ATAD3C: variants seen among roughly 807,000 people sequenced by gnomAD.
ATAD3C encodes ATPase family AAA domain containing 3C, also known as ATPase family AAA domain-containing protein 3C.
Under a neutral mutation model 46.3 loss-of-function variants are expected in ATAD3C, and 38 were observed. The ratio of observed to expected loss-of-function variants is 0.82; its 90% CI spans 0.63 to 1.08. The LOEUF is 1.08. Ranked by LOEUF, ATAD3C falls within the 50% of genes least tolerant of loss-of-function variation. ATAD3C has a pLI of 0.00. For synonymous variants in ATAD3C, 220 were observed against 236.4 expected (o/e 0.93, Z 0.63); for missense variants, 563 against 572.7 (o/e 0.98, Z 0.17).
chr1:1,455,815 G>C lies in ATAD3C; in HGVS notation c.463G>C (p.Asp155His). 3.1e-6 allele frequency: 5 copies of C among 1,613,428 alleles called. No homozygotes were observed. Among genetic ancestry groups the C allele is most frequent in the Non-Finnish European group, 3.4e-6 (4 of 1,179,686 alleles). Reference protein sequence around the residue: ...LSPSLEARVRDIAIMTRNIKK... With the variant: ...LSPSLEARVRHIAIMTRNIKK... ...GCCCAGCCTGGAAGCACGGGTGCGC[G>C]ACATCGCCATAATGACAAGGAACAT... Residue 155 changes from aspartate to histidine, a missense_variant, in exon 6 of 12, where the codon GAC (aspartate) becomes CAC (histidine). Asp to His is a moderately conservative substitution (Grantham distance 81). Around this residue, in one of 3 missense-constraint regions of ATAD3C, gnomAD observed 263 missense variants for 243.1 expected, o/e 1.08. Coordinates refer to ENST00000378785, the MANE Select transcript of ATAD3C (RefSeq NM_001039211.3).
chr1:1,457,489 G>T (rs928157057), intron 8 of ATAD3C, among the ~76,000 whole-genome samples: 4 of 150,296 alleles, frequency 2.7e-5, no homozygotes, highest in Admixed American at 1.3e-4. Flanking sequence ...CCAGCTACTC[G>T]GGAGGCTGAG....
In ATAD3C at chr1:1,452,458, C is replaced by T. The variant is rs772657768; in HGVS notation, c.222+24C>T. 2.5e-6 allele frequency: 4 copies of T among 1,613,514 alleles called. 1 individual carries two copies. Among genetic ancestry groups the T allele is most frequent in the Non-Finnish European group, 3.4e-6 (4 of 1,179,662 alleles). ...CGGTAAACATACTCATAAAACAGGG[C>T]TGGCAGGTGGCTGAGGGGCAGCATG... On this transcript the variant is annotated intron_variant, in intron 3 of 11. Transcript: ENST00000378785.
chr1:1,451,295 C>T (rs1357798067), intron 1 of ATAD3C, among the ~76,000 whole-genome samples: 1 of 151,864 alleles, frequency 6.6e-6, no homozygotes, highest in Non-Finnish European at 1.5e-5. Flanking sequence ...CTCAGCCTCC[C>T]AAAGTGCTGG....
Position 1,462,873 on chromosome 1 carries a change from A to G in ATAD3C, c.1089+165A>G, listed in dbSNP as rs532987626. ...GCCCCTGCCCCAGTTGGGCCACTCC[A>G]CGCAGCAGCGTGCACCTGCTCCAGC... On this transcript the variant is annotated intron_variant, in intron 11 of 11. Coordinates refer to ENST00000378785, the MANE Select transcript of ATAD3C (RefSeq NM_001039211.3). This position sits in a 1 kb window ranked among gnomAD's most constrained non-coding sequence, Gnocchi z 4.5. 2.6e-5 allele frequency among the ~76,000 whole-genome samples: 4 copies of G among 152,194 alleles called. No individual in the cohort carries two copies. The highest frequency in any genetic ancestry group is 3.4e-3 in the Middle Eastern group (1 of 294).
At chr1:1,457,738 G>A (rs1638990604) in intron 8 of ATAD3C, among the ~76,000 whole-genome samples, 2 of 151,636 alleles carry the variant, frequency 1.3e-5, no homozygotes, top group South Asian at 4.2e-4. Flanking sequence ...GAGTTCAGTG[G>A]CGTGATCTCG....
intron 4 of ATAD3C, among the ~76,000 whole-genome samples, 163 bp from the exon 5 acceptor site, chr1:1,455,297 A>G (rs1638936854): frequency 6.6e-6 from 1 of 151,374 alleles, no homozygotes; most frequent in African/African-American, 2.4e-5. Context: ...AATCCCTGCA[A>G]CAGACACCCA....
chr1:1,460,678 A>G, intron 9 of ATAD3C, 72 bp from the exon 10 acceptor site: 1 of 1,480,838 alleles, frequency 6.8e-7, no homozygotes, highest in Non-Finnish European at 9.0e-7. Context: ...GAGGGGGCTG[A>G]GGAGCACCTG....
chr1:1,459,713 T>G lies in ATAD3C; in HGVS notation c.812+482T>G, dbSNP rs1051856210. On this transcript the variant is annotated intron_variant, in intron 9 of 11. Coordinates refer to ENST00000378785, the MANE Select transcript of ATAD3C (RefSeq NM_001039211.3). The surrounding 1 kb of genome is among the most constrained non-coding windows in gnomAD (Gnocchi z 4.9). ...CCGGATGCTGGCCAAGGGTGCACCC[T>G]CCAGGCTTGGGGCCCACCCGACTTT... Among the ~76,000 whole-genome samples, 1 of 151,910 alleles carries G rather than the reference T, an allele frequency of 6.6e-6. No individual in the cohort carries two copies. The highest frequency in any genetic ancestry group is 2.4e-5 in the African/African-American group (1 of 41,330).
intron 11 of ATAD3C, among the ~76,000 whole-genome samples, chr1:1,464,228 G>A (rs1399951340): frequency 1.3e-5 from 2 of 151,320 alleles, no homozygotes; most frequent in East Asian, 3.9e-4. Context: ...AAAAGAACAG[G>A]AGTGTGGTCG....
At position 1,459,349 on chromosome 1, in the gene ATAD3C, C is replaced by T. The variant is rs1570152542; in HGVS notation, c.812+118C>T. 2.6e-6 allele frequency: 4 copies of T among 1,552,594 alleles called. No individual in the cohort carries two copies. The African/African-American group carries it at 5.5e-5, about 21-fold the overall frequency. On this transcript the variant is annotated intron_variant, in intron 9 of 11. Transcript: ENST00000378785. This position sits in a 1 kb window ranked among gnomAD's most constrained non-coding sequence, Gnocchi z 4.9. Reference sequence around the variant, plus strand: ...CAGTGCTGGGCAGCTGCCGTGGCCTCAACGTGCCCACCTTGGATGTCCCCT... The same window carrying T: ...CAGTGCTGGGCAGCTGCCGTGGCCTTAACGTGCCCACCTTGGATGTCCCCT...
intron 9 of ATAD3C, among the ~76,000 whole-genome samples, chr1:1,460,383 C>T (rs1484231717): frequency 1.3e-5 from 2 of 152,034 alleles, no homozygotes; most frequent in South Asian, 2.1e-4. Flanking sequence ...GTCTGGCCAG[C>T]GTGGCCACAA....
At chr1:1,464,925 G>A (rs1464745821) in intron 11 of ATAD3C, among the ~76,000 whole-genome samples, 10 of 151,758 alleles carry the variant, frequency 6.6e-5, no homozygotes, top group Admixed American at 3.9e-4. Context: ...TCGCTCTGTC[G>A]CCCAGGCTGG....
chr1:1,464,121 C>T (rs373157282), intron 11 of ATAD3C, among the ~76,000 whole-genome samples: 17 of 150,566 alleles, frequency 1.1e-4, no homozygotes, highest in African/African-American at 2.7e-4. Context: ...GCAGGAGAAT[C>T]GCTTGAACCC....
Position 1,450,780 on chromosome 1 carries a change from G to A in ATAD3C, c.75+22G>A, listed in dbSNP as rs11488700. On this transcript the variant is annotated intron_variant, in intron 1 of 11. Transcript: ENST00000378785. ...CAAAGTGAGTGGGGCCGGTGTGGGC[G>A]GGGAGGCCGGGGCACACATGGGGTT... 4,027 of 1,608,742 alleles carry A rather than the reference G, an allele frequency of 2.5e-3. 74 individuals are homozygous for A. In the African/African-American group the frequency reaches 0.044, roughly 17 times the overall value.
chr1:1,460,688 GTTCCCC>G lies in ATAD3C; in HGVS notation c.813-60_813-55del, dbSNP rs1347572728. 2.7e-6 allele frequency: 4 copies of G among 1,502,720 alleles called. No individual in the cohort carries two copies. In the African/African-American group the frequency reaches 5.6e-5, roughly 21 times the overall value. The allele number at this position is 1,502,720 out of a possible 1,614,324, so 93.1% of individuals were successfully genotyped here. On this transcript the variant is annotated intron_variant, in intron 9 of 11. Coordinates refer to ENST00000378785, the MANE Select transcript of ATAD3C (RefSeq NM_001039211.3). ...TTCCTGAGGGGGCTGAGGAGCACCT[GTTCCCC>G]TGGGGACAGCTCGGCCGGCAGCCCC...
intron 4 of ATAD3C, among the ~76,000 whole-genome samples, chr1:1,455,116 C>T (rs1638931431): frequency 6.9e-6 from 1 of 145,044 alleles, no homozygotes; most frequent in Non-Finnish European, 1.5e-5. Flanking sequence ...ACTCGGGAGG[C>T]TGAGGCAGAA....
At chr1:1,458,861 C>T (rs541708806) in intron 8 of ATAD3C, among the ~76,000 whole-genome samples, 1,773 of 151,732 alleles carry the variant, frequency 0.012, 47 homozygotes, top group African/African-American at 0.041. Context: ...TAGCTGGGAC[C>T]ACAGGTGTGC....
chr1:1,453,387 A>G (rs1312717735), intron 3 of ATAD3C, among the ~76,000 whole-genome samples: 1 of 151,928 alleles, frequency 6.6e-6, no homozygotes, highest in Non-Finnish European at 1.5e-5. Flanking sequence ...ATTTTGGTGG[A>G]GACAGGGTTA....
At position 1,468,506 on chromosome 1, in the gene ATAD3C, C is replaced by T. The variant is rs769191465; in HGVS notation, c.1212C>T (p.Pro404=). 20 of 1,608,414 alleles carry T rather than the reference C, an allele frequency of 1.2e-5. No individual in the cohort carries two copies. The highest frequency in any genetic ancestry group is 3.3e-4 in the Middle Eastern group (2 of 6,036). ...MRWLKGERPG[P]EDEQPSS ...GGCTGAAGGGGGAGAGGCCTGGGCC[C>T]GAGGACGAGCAACCCTCATCCTGAG... is the stretch of plus-strand genomic sequence containing the variant. The change falls in exon 12 of 12, where the codon CCC becomes CCT. Residue 404 remains proline (P), a synonymous_variant. Transcript: ENST00000378785.
Sources: allele counts gnomAD v4.1 joint callset (sites outside exome capture counted in the v4.1 genomes callset), GRCh38; gene constraint gnomAD v4.1.1; regional missense constraint gnomAD v4.1.1; non-coding constraint Gnocchi (gnomAD v3.1); transcripts MANE v1.5; gene names NCBI Gene and HGNC (gene_info 2026-07-23, HGNC 2026-07-21).